Variants in FABP12 observed in about 807,000 individuals in gnomAD.
FABP12 encodes fatty acid-binding protein 12.
In FABP12, 19 loss-of-function variants were observed where a neutral mutation model predicts 13.7. That is an observed-to-expected ratio of 1.39 (90% confidence interval 0.97 to 2.04). The LOEUF (loss-of-function observed/expected upper bound fraction) is 2.04. FABP12 is among the 30% of genes most tolerant of loss of function. FABP12 has a pLI of 0.00. For missense variants in FABP12, 182 were observed against 164.2 expected (o/e 1.11, Z -0.59); for synonymous variants, 61 against 57.0 (o/e 1.07, Z -0.32).
At chr8:81,575,731 G>T (rs1810032579) in intron 1 of FABP12, among the ~76,000 whole-genome samples, 1 of 152,050 alleles carries the variant, frequency 6.6e-6, no homozygotes, top group Non-Finnish European at 1.5e-5. Flanking sequence ...TCTTTTAACT[G>T]CTGTTGCTTT....
chr8:81,580,632 A>G (rs181755696), intron 1 of FABP12, among the ~76,000 whole-genome samples: 23 of 152,286 alleles, frequency 1.5e-4, no homozygotes, highest in African/African-American at 5.1e-4. Context: ...TGGACAAAGC[A>G]TGTACTTTCT....
intron 1 of FABP12, among the ~76,000 whole-genome samples, chr8:81,569,832 T>C (rs1355539600): frequency 1.3e-5 from 2 of 152,222 alleles, no homozygotes; most frequent in African/African-American, 4.8e-5. Context: ...CTTTGGGGTG[T>C]TGCTTTTCTG....
intron 1 of FABP12, among the ~76,000 whole-genome samples, chr8:81,561,447 AT>A (rs772861624): frequency 6.6e-6 from 1 of 152,196 alleles, no homozygotes; most frequent in Non-Finnish European, 1.5e-5. Context: ...GCCTTCACCC[AT>A]TGTTCTCCCT....
At chr8:81,528,001 T>G (rs975840422) in intron 3 of FABP12, among the ~76,000 whole-genome samples, 1 of 152,082 alleles carries the variant, frequency 6.6e-6, no homozygotes, top group Non-Finnish European at 1.5e-5. Context: ...TAATTCAAAC[T>G]CCCATTATAT....
upstream of FABP12, among the ~76,000 whole-genome samples, chr8:81,534,168 CACTA>C (rs951997598): frequency 6.6e-6 from 1 of 152,060 alleles, no homozygotes; most frequent in African/African-American, 2.4e-5. Flanking sequence ...ATTTTCCTCT[CACTA>C]ACACCTCCAG....
intron 1 of FABP12, among the ~76,000 whole-genome samples, chr8:81,573,599 A>G (rs1809973171): frequency 6.6e-6 from 1 of 152,102 alleles, no homozygotes; most frequent in Non-Finnish European, 1.5e-5. Flanking sequence ...ATGTGTTTCC[A>G]TTTGTTTGTG....
chr8:81,527,360 CTTTCTT>C (rs967687977), intron 3 of FABP12, among the ~76,000 whole-genome samples: 2 of 151,864 alleles, frequency 1.3e-5, no homozygotes, highest in Non-Finnish European at 2.9e-5. Flanking sequence ...GTAAAATGTT[CTTTCTT>C]TTTCTTTTTT....
chr8:81,569,322 T>A (rs1388756302), intron 1 of FABP12, among the ~76,000 whole-genome samples: 1 of 152,210 alleles, frequency 6.6e-6, no homozygotes, highest in East Asian at 1.9e-4. Flanking sequence ...GAAACCAAGA[T>A]CGCCATCAAA....
chr8:81,548,027 A>C (rs481163), intron 1 of FABP12, among the ~76,000 whole-genome samples: 2,451 of 152,132 alleles, frequency 0.016, 61 homozygotes, highest in African/African-American at 0.056. Flanking sequence ...CCTGGGTACC[A>C]GAGATATACC....
At chr8:81,568,373 A>C (rs1193325787) in intron 1 of FABP12, among the ~76,000 whole-genome samples, 1 of 152,248 alleles carries the variant, frequency 6.6e-6, no homozygotes, top group Non-Finnish European at 1.5e-5. Context: ...GACATATAAA[A>C]AAGGTGCTCA....
In FABP12 at chr8:81,527,111, G is replaced by A. The variant is rs781419689; in HGVS notation, c.257C>T (p.Thr86Ile). The change falls in exon 4 of 5, where the codon ACC becomes ATC. Residue 86 changes from threonine (T) to isoleucine (I), a missense_variant. Thr to Ile is a moderately conservative substitution (Grantham distance 89, BLOSUM62 -1). Transcript: ENST00000360464. ...TTGAATCAGGGACTCCTTATCTAAG[G>A]TTACTTTACTCTGAAAAACAGAAAA... The A allele has an allele frequency of 8.1e-6, 13 of 1,597,988 alleles. No homozygotes were observed. In the South Asian group the frequency reaches 1.5e-4, roughly 18 times the overall value.
At chr8:81,550,516 C>T (rs1809507489) in intron 1 of FABP12, among the ~76,000 whole-genome samples, 1 of 152,154 alleles carries the variant, frequency 6.6e-6, no homozygotes, top group Non-Finnish European at 1.5e-5. Flanking sequence ...TCCCCAACCT[C>T]TCCTCTCTTT....
chr8:81,560,534 C>T (rs941733107), intron 1 of FABP12, among the ~76,000 whole-genome samples: 1 of 152,188 alleles, frequency 6.6e-6, no homozygotes, highest in African/African-American at 2.4e-5. Context: ...GCCATCCCCC[C>T]ATCAGCCAGA....
intron 1 of FABP12, among the ~76,000 whole-genome samples, chr8:81,542,409 G>C (rs948296685): frequency 3.9e-5 from 6 of 152,096 alleles, no homozygotes; most frequent in African/African-American, 1.2e-4. Flanking sequence ...GTCTGAATGG[G>C]ACCATGGCAC....
intron 1 of FABP12, among the ~76,000 whole-genome samples, chr8:81,548,359 G>A (rs191512181): frequency 4.6e-5 from 7 of 152,190 alleles, no homozygotes; most frequent in African/African-American, 1.4e-4. Context: ...CATATAAATA[G>A]AACACACTTA....
chr8:81,539,704 A>G (rs1809299920), exon 2 of FABP12, among the ~76,000 whole-genome samples: 1 of 152,140 alleles, frequency 6.6e-6, no homozygotes, highest in Non-Finnish European at 1.5e-5. Context: ...CTTCTGAGCA[A>G]TCATGTGATT....
At chr8:81,567,875 A>G (rs1261317770) in intron 1 of FABP12, among the ~76,000 whole-genome samples, 1 of 151,476 alleles carries the variant, frequency 6.6e-6, no homozygotes, top group Non-Finnish European at 1.5e-5. Flanking sequence ...TAATCCCAGC[A>G]CTTTGGGAGG....
chr8:81,541,123 G>T (rs778402711), intron 1 of FABP12, among the ~76,000 whole-genome samples: 1 of 148,206 alleles, frequency 6.7e-6, no homozygotes, highest in East Asian at 2.0e-4. Flanking sequence ...CCGAGATCAC[G>T]CCACTGCACT....
chr8:81,586,501 A>G (rs1052814558), intron 1 of FABP12, among the ~76,000 whole-genome samples: 4 of 152,110 alleles, frequency 2.6e-5, no homozygotes, highest in African/African-American at 9.7e-5. Context: ...CCTCACAAGA[A>G]TCTATTATTT....
Sources: allele counts gnomAD v4.1 joint callset (sites outside exome capture counted in the v4.1 genomes callset), GRCh38; gene constraint gnomAD v4.1.1; transcripts MANE v1.5; gene names NCBI Gene and HGNC (gene_info 2026-07-23, HGNC 2026-07-21).